The following IRAG1 variants were observed in gnomAD, a reference collection of about 807,000 sequenced individuals.
The protein encoded by IRAG1 is IP3R-associated cGMP kinase substrate.
A neutral mutation model predicts 106.2 loss-of-function variants in IRAG1; 62 were observed. The observed-to-expected ratio is 0.58, with a 90% CI of 0.48 to 0.72. The LOEUF is 0.72. Ranked by LOEUF, IRAG1 falls within the 30% of genes least tolerant of loss-of-function variation. The probability of loss-of-function intolerance (pLI) is 0.00; values close to 1 mark genes in which losing one functional copy is unlikely to be tolerated. For synonymous variants in IRAG1, 462 were observed against 443.9 expected, an observed-to-expected ratio of 1.04 and a Z score of -0.51; for missense variants, 1,064 against 1,140.7, an observed-to-expected ratio of 0.93 and a Z score of 0.97.
At chr11:10,646,693 T>A (rs527932953) in intron 2 of IRAG1, among the ~76,000 whole-genome samples, 163 of 152,216 alleles carry the variant, frequency 1.1e-3, no homozygotes, top group African/African-American at 3.7e-3. Flanking sequence ...TGACCTTAAG[T>A]CACAAGAGCT....
rs1850795979 is a variant in IRAG1 at position 10,576,032 on chromosome 11, AG to A, written c.*299del. Reference sequence around the variant, plus strand: ...CCCCAACCACCAGTGAAGGTGTTTTAGTTCTCCCCAGCCACCTGAGCTAGGG... The same window carrying A: ...CCCCAACCACCAGTGAAGGTGTTTTATTCTCCCCAGCCACCTGAGCTAGGG... On this transcript the variant is annotated 3_prime_UTR_variant, in exon 21 of 21. Transcript: ENST00000423302. The A allele has an allele frequency of 2.8e-6, 1 of 362,172 alleles. No homozygotes were observed. Among genetic ancestry groups the A allele is most frequent in the Non-Finnish European group, 5.2e-6 (1 of 192,518 alleles). The allele number at this position is 362,172 out of a possible 1,614,324, so 22.4% of individuals were successfully genotyped here.
intron 10 of IRAG1, chr11:10,611,691 T>G (rs1365951879): frequency 1.3e-5 from 2 of 152,210 alleles, no homozygotes; most frequent in African/African-American, 4.8e-5. Context: ...GGAATAAATG[T>G]AGAGCTTCCA....
intron 2 of IRAG1, among the ~76,000 whole-genome samples, chr11:10,651,785 G>C (rs1858531263): frequency 6.6e-6 from 1 of 152,218 alleles, no homozygotes; most frequent in African/African-American, 2.4e-5. Flanking sequence ...TGAGGCCTCA[G>C]TCAGACACAG....
chr11:10,578,747 T>G (rs760243671), intron 20 of IRAG1, among the ~76,000 whole-genome samples: 4 of 152,186 alleles, frequency 2.6e-5, no homozygotes, highest in Non-Finnish European at 5.9e-5. Flanking sequence ...TGGGGTTTCA[T>G]GAAATGGGAG....
At chr11:10,629,926 C>T in intron 4 of IRAG1, 1 of 546,490 alleles carries the variant, frequency 1.8e-6, no homozygotes. Context: ...TCCTCCGTCA[C>T]AAATGGTCCT....
chr11:10,683,632 G>A (rs1861437976), intron 1 of IRAG1, among the ~76,000 whole-genome samples: 1 of 152,144 alleles, frequency 6.6e-6, no homozygotes, highest in Admixed American at 6.5e-5. Flanking sequence ...TGCAGGCTGA[G>A]TTTGGCCAAG....
At chr11:10,676,768 C>A (rs1190869354) in intron 1 of IRAG1, among the ~76,000 whole-genome samples, 1 of 152,234 alleles carries the variant, frequency 6.6e-6, no homozygotes, top group Non-Finnish European at 1.5e-5. Context: ...TGATCCAGAA[C>A]ATTCTGCTAA....
chr11:10,641,621 C>A (rs541136731), intron 2 of IRAG1, among the ~76,000 whole-genome samples: 1 of 152,246 alleles, frequency 6.6e-6, no homozygotes, highest in South Asian at 2.1e-4. Context: ...TGTCCCAGAC[C>A]CCCCTCGTGT....
chr11:10,594,075 T>C (rs370001648), intron 16 of IRAG1, 71 bp downstream of exon 16: 455 of 1,390,434 alleles, frequency 3.3e-4, no homozygotes, highest in Admixed American at 4.1e-4. Flanking sequence ...GAATGAATGA[T>C]TGTTTGGGTG....
chr11:10,576,921 A>G (rs1850875940), intron 20 of IRAG1, among the ~76,000 whole-genome samples: 1 of 152,172 alleles, frequency 6.6e-6, no homozygotes, highest in Non-Finnish European at 1.5e-5. Flanking sequence ...GTGATTACTG[A>G]TATCTGCACT....
At chr11:10,626,615 G>T (rs760153725) in intron 8 of IRAG1, 32 bp from the exon 9 acceptor site, 2 of 1,557,096 alleles carry the variant, frequency 1.3e-6, no homozygotes, top group African/African-American at 2.7e-5. Flanking sequence ...TGGAACCCTC[G>T]GGGGCAGGTT....
In IRAG1 at chr11:10,628,179, G is replaced by A; in HGVS notation, c.653-154C>T. On this transcript the variant is annotated intron_variant, in intron 6 of 20. Transcript: ENST00000423302. The surrounding 1 kb of genome is among the most constrained non-coding windows in gnomAD (Gnocchi z 4.1). ...TCCCGTGTGCCAGGTTCTCAGGTGG[G>A]CCCTCACAGAATGTTCACAGAGACC... The A allele has an allele frequency of 2.5e-6, 2 of 791,938 alleles. No homozygotes were observed. 49.1% of individuals were successfully genotyped at this position (791,938 alleles called of 1,614,324 possible).
chr11:10,689,690 A>G (rs908117479), intron 1 of IRAG1, among the ~76,000 whole-genome samples: 7 of 152,256 alleles, frequency 4.6e-5, no homozygotes, highest in African/African-American at 1.7e-4. Context: ...AAACCATTGA[A>G]AAATCATGTT....
intron 20 of IRAG1, among the ~76,000 whole-genome samples, chr11:10,579,674 G>T (rs1183625787): frequency 6.6e-6 from 1 of 151,966 alleles, no homozygotes; most frequent in South Asian, 2.1e-4. Context: ...ACTTCTAGGG[G>T]ATAATTCAGG....
chr11:10,676,968 T>C (rs537998702), intron 1 of IRAG1, among the ~76,000 whole-genome samples: 1 of 152,318 alleles, frequency 6.6e-6, no homozygotes, highest in African/African-American at 2.4e-5. Flanking sequence ...TTCAGTCTTT[T>C]ACTGCACTGA....
At position 10,574,834 on chromosome 11, in the gene IRAG1, G is replaced by A. The variant is rs1335883781; in HGVS notation, c.*1498C>T. ...CAGCTCTGGAGCCAGCCTACCCTGG[G>A]GTTGAGCTCCAGCCCCATGATTTAC... On this transcript the variant is annotated 3_prime_UTR_variant, in exon 21 of 21. Coordinates refer to ENST00000423302, the MANE Select transcript of IRAG1 (RefSeq NM_130385.4). 1 of 152,132 alleles carries A rather than the reference G, an allele frequency of 6.6e-6. No individual in the cohort carries two copies. Among genetic ancestry groups the A allele is most frequent in the South Asian group, 2.1e-4 (1 of 4,818 alleles). The allele number at this position is 152,132 out of a possible 1,614,324, so 9.4% of individuals were successfully genotyped here.
At chr11:10,684,813 G>T (rs1039932295) in intron 1 of IRAG1, among the ~76,000 whole-genome samples, 8 of 151,968 alleles carry the variant, frequency 5.3e-5, no homozygotes, top group Non-Finnish European at 1.2e-4. Flanking sequence ...CTGAGATCTG[G>T]CAATCAAAGA....
intron 12 of IRAG1, among the ~76,000 whole-genome samples, chr11:10,605,612 A>G (rs1854410170): frequency 6.6e-6 from 1 of 152,244 alleles, no homozygotes; most frequent in African/African-American, 2.4e-5. Flanking sequence ...TAACGGAGCC[A>G]GGATTTAACC....
At chr11:10,620,693 T>C (rs1346122452) in intron 10 of IRAG1, among the ~76,000 whole-genome samples, 3 of 152,350 alleles carry the variant, frequency 2.0e-5, no homozygotes, top group African/African-American at 7.2e-5. Context: ...GCACGGGTAA[T>C]GCGTAAGAGA....
Sources: allele counts gnomAD v4.1 joint callset (sites outside exome capture counted in the v4.1 genomes callset), GRCh38; gene constraint gnomAD v4.1.1; non-coding constraint Gnocchi (gnomAD v3.1); transcripts MANE v1.5; gene names NCBI Gene and HGNC (gene_info 2026-07-23, HGNC 2026-07-21).